DLGAP1: variants seen among roughly 807,000 people sequenced by gnomAD.
DLGAP1 encodes DLG associated protein 1.
Under a neutral mutation model 90.8 loss-of-function variants are expected in DLGAP1, and 11 were observed. The ratio of observed to expected loss-of-function variants is 0.12; its 90% CI spans 0.08 to 0.20. The LOEUF (loss-of-function observed/expected upper bound fraction) is 0.20. DLGAP1 is among the 10% of genes least tolerant of loss of function. The probability of loss-of-function intolerance (pLI) is 1.00; values close to 1 mark genes in which losing one functional copy is unlikely to be tolerated. For synonymous variants in DLGAP1, 558 were observed against 540.7 expected (o/e 1.03, Z -0.44); for missense variants, 1,050 against 1,333.8 (o/e 0.79, Z 3.31).
At chr18:3,981,177 A>G (rs1225333976) in intron 3 of DLGAP1, among the ~76,000 whole-genome samples, 1 of 152,214 alleles carries the variant, frequency 6.6e-6, no homozygotes, top group Non-Finnish European at 1.5e-5. Context: ...ATTTGCCCCC[A>G]TCAGACGAAA....
At position 4,100,526 on chromosome 18, in the gene DLGAP1, C is replaced by T. The variant is rs113636245; in HGVS notation, c.-159+50654G>A. Among the ~76,000 whole-genome samples the T allele has an allele frequency of 4.6e-3, 693 of 152,264 alleles. 3 individuals carry two copies. Among genetic ancestry groups the T allele is most frequent in the Non-Finnish European group, 6.6e-3 (448 of 68,016 alleles). On this transcript the variant is annotated intron_variant, in intron 2 of 12. Coordinates refer to ENST00000315677, the MANE Select transcript of DLGAP1 (RefSeq NM_004746.4). ...CTTAAGATATTCAGAATAGTAAATGCGCATTGGCTTCAACTTAAAGTCACC... is the reference window on the plus strand; with the variant it reads ...CTTAAGATATTCAGAATAGTAAATGTGCATTGGCTTCAACTTAAAGTCACC...
At chr18:3,651,433 A>G (rs1013741645) in intron 7 of DLGAP1, among the ~76,000 whole-genome samples, 5 of 152,192 alleles carry the variant, frequency 3.3e-5, no homozygotes, top group African/African-American at 1.2e-4. Context: ...ATCCATCAGC[A>G]TCTGTTTATT....
intron 1 of DLGAP1, among the ~76,000 whole-genome samples, chr18:4,372,445 C>T (rs1355115818): frequency 6.6e-6 from 1 of 152,114 alleles, no homozygotes; most frequent in Non-Finnish European, 1.5e-5. Flanking sequence ...AATTTATAAG[C>T]TCAAAATAGC....
At chr18:4,127,494 A>G (rs1411193121) in intron 2 of DLGAP1, among the ~76,000 whole-genome samples, 3 of 152,162 alleles carry the variant, frequency 2.0e-5, no homozygotes, top group Non-Finnish European at 4.4e-5. Flanking sequence ...ATCTGGAAGC[A>G]TTTATTTAGT....
At chr18:4,171,607 AAT>A (rs2077027837) in intron 1 of DLGAP1, among the ~76,000 whole-genome samples, 1 of 151,956 alleles carries the variant, frequency 6.6e-6, no homozygotes, top group Non-Finnish European at 1.5e-5. Flanking sequence ...TTAGGAGGCG[AAT>A]TATTGAGATG....
chr18:4,180,694 T>G lies in DLGAP1; in HGVS notation c.-266-29407A>C, dbSNP rs2077192526. ...GTATTAACATTTCACCACTTTGCTC[T>G]ATCATTTGTGTTCCGTTTCTCACAC... On this transcript the variant is annotated intron_variant, in intron 1 of 12. Transcript: ENST00000315677. Among the ~76,000 whole-genome samples the G allele has an allele frequency of 2.0e-5, 3 of 152,240 alleles. No individual in the cohort carries two copies. The South Asian group carries it at 6.2e-4, about 32-fold the overall frequency.
chr18:4,029,100 T>A (rs2074751326), intron 2 of DLGAP1, among the ~76,000 whole-genome samples: 1 of 152,194 alleles, frequency 6.6e-6, no homozygotes, highest in African/African-American at 2.4e-5. Context: ...GTAAGTGAGA[T>A]CATGTAGTAT....
At chr18:3,952,184 A>G (rs531742035) in intron 3 of DLGAP1, among the ~76,000 whole-genome samples, 1 of 152,240 alleles carries the variant, frequency 6.6e-6, no homozygotes, top group South Asian at 2.1e-4. Context: ...AATTAACATG[A>G]CTCAGATCAT....
chr18:3,995,902 G>A (rs1004777260), intron 3 of DLGAP1, among the ~76,000 whole-genome samples: 6 of 151,710 alleles, frequency 4.0e-5, no homozygotes, highest in African/African-American at 9.7e-5. Flanking sequence ...TCATAAATGG[G>A]TAAAAGCAAA....
chr18:3,730,249 T>C (rs2147473634), intron 6 of DLGAP1, among the ~76,000 whole-genome samples: 1 of 151,674 alleles, frequency 6.6e-6, no homozygotes, highest in African/African-American at 2.4e-5. Context: ...AGAGATCTTG[T>C]CTCAACAAAC....
At chr18:3,983,572 T>C (rs1237296115) in intron 3 of DLGAP1, 3 of 152,202 alleles carry the variant, frequency 2.0e-5, no homozygotes, top group Admixed American at 2.0e-4. Context: ...GTTAAAAAAA[T>C]GCTTTATGTT....
chr18:4,349,723 A>G (rs2081368530), intron 1 of DLGAP1, among the ~76,000 whole-genome samples: 1 of 152,126 alleles, frequency 6.6e-6, no homozygotes, highest in African/African-American at 2.4e-5. Context: ...AAAAAAACCG[A>G]TAACATGAAT....
rs1430084755 is a variant in DLGAP1, at chr18:3,586,052, ACT to A, written c.1592-3806_1592-3805del. 2.0e-5 allele frequency among the ~76,000 whole-genome samples: 3 copies of A among 152,160 alleles called. No homozygotes were observed. The South Asian group carries it at 6.2e-4, about 32-fold the overall frequency. On this transcript the variant is annotated intron_variant, in intron 7 of 12. Coordinates refer to ENST00000315677, the MANE Select transcript of DLGAP1 (RefSeq NM_004746.4). ...CTCATCTTCGCTATCGATAGGGATA[ACT>A]CTGGATACCTTGCTCAACAGGGACA...
chr18:4,223,511 A>G (rs1251777868), intron 1 of DLGAP1, among the ~76,000 whole-genome samples: 1 of 152,212 alleles, frequency 6.6e-6, no homozygotes, highest in Non-Finnish European at 1.5e-5. Flanking sequence ...TCACAGTATC[A>G]TCGCATTTGT....
chr18:3,540,345 T>C (rs907945245), intron 9 of DLGAP1, among the ~76,000 whole-genome samples: 11 of 151,710 alleles, frequency 7.3e-5, no homozygotes, highest in African/African-American at 1.9e-4. Context: ...TACGTGGCTA[T>C]AGTCCCAGCT....
At chr18:3,819,170 C>T (rs1174996256) in intron 4 of DLGAP1, among the ~76,000 whole-genome samples, 11 of 151,824 alleles carry the variant, frequency 7.2e-5, no homozygotes, top group African/African-American at 1.9e-4. Flanking sequence ...ATTAGCCAGG[C>T]GTGATGGTGG....
At chr18:4,382,003 T>C (rs2082132567) in intron 1 of DLGAP1, among the ~76,000 whole-genome samples, 1 of 152,126 alleles carries the variant, frequency 6.6e-6, no homozygotes, top group African/African-American at 2.4e-5. Context: ...TGAGATCTCA[T>C]GAGACTTATT....
At chr18:4,299,888 C>T (rs1438918115) in intron 1 of DLGAP1, among the ~76,000 whole-genome samples, 2 of 152,056 alleles carry the variant, frequency 1.3e-5, no homozygotes, top group South Asian at 2.1e-4. Flanking sequence ...TAAGGAATCC[C>T]TAGAATCAAA....
chr18:4,404,908 C>A (rs1178555980), intron 1 of DLGAP1, among the ~76,000 whole-genome samples: 1 of 152,134 alleles, frequency 6.6e-6, no homozygotes, highest in Admixed American at 6.5e-5. Context: ...CCATGCCCTC[C>A]TATGATCTTG....
Sources: gnomAD v4.1 joint callset for allele counts (sites outside exome capture counted in the v4.1 genomes callset) on GRCh38, gnomAD v4.1.1 for gene constraint, MANE v1.5 for transcripts, NCBI Gene and HGNC (gene_info 2026-07-23, HGNC 2026-07-21) for gene names.